The following RGPD4 variants were observed in gnomAD, a reference collection of about 807,000 sequenced individuals.
The protein encoded by RGPD4 is ranBP2-like and GRIP domain-containing protein 4.
RGPD4 carries 84 observed loss-of-function variants against 141.1 expected under a neutral mutation model. That is an observed-to-expected ratio of 0.60 (90% CI 0.50 to 0.71). The LOEUF (loss-of-function observed/expected upper bound fraction) is 0.71, where lower values mean the gene tolerates loss of function less well. Ranked by LOEUF, RGPD4 falls within the 30% of genes least tolerant of loss-of-function variation. RGPD4 has a pLI of 0.00. For missense variants in RGPD4, 918 were observed against 1,622.4 expected, an observed-to-expected ratio of 0.57 and a Z score of 7.46; for synonymous variants, 298 against 566.8, an observed-to-expected ratio of 0.53 and a Z score of 6.74.
chr2:107,852,250 C>CAAAA (rs374226591), intron 7 of RGPD4, among the ~76,000 whole-genome samples: 6 of 114,906 alleles, frequency 5.2e-5, no homozygotes, highest in South Asian at 6.3e-4. Flanking sequence ...GACTCCATCT[C>CAAAA]AAAAAAAAAA....
At chr2:107,877,125 G>A (rs1192578909) in intron 20 of RGPD4, among the ~76,000 whole-genome samples, 2 of 151,742 alleles carry the variant, frequency 1.3e-5, no homozygotes, top group Admixed American at 6.6e-5. Flanking sequence ...TGCAATCTCA[G>A]CACTTTGGGA....
chr2:107,871,092 A>T lies in RGPD4; in HGVS notation c.3088A>T (p.Thr1030Ser). ...TGAGAAAGATGATGATGCCTATAAG[A>T]CTGAGGACAGCGATGACATCCATTT... ...DFEKDDDAYK[T>S]EDSDDIHFEP... Residue 1030 changes from threonine to serine, a missense_variant, in exon 20 of 23, where the codon ACT becomes TCT. Transcript: ENST00000408999. The T allele has an allele frequency of 6.2e-7, 1 of 1,611,216 alleles. No homozygotes were observed. The highest frequency in any genetic ancestry group is 2.2e-5 in the East Asian group (1 of 44,860).
At chr2:107,833,323 A>G (rs1284711166) in intron 1 of RGPD4, among the ~76,000 whole-genome samples, 1 of 152,224 alleles carries the variant, frequency 6.6e-6, no homozygotes, top group Non-Finnish European at 1.5e-5. Context: ...TTACATCTCT[A>G]TCTTACTGTG....
intron 6 of RGPD4, among the ~76,000 whole-genome samples, chr2:107,847,925 T>C (rs1682012049): frequency 1.5e-5 from 2 of 131,618 alleles, no homozygotes; most frequent in Non-Finnish European, 3.2e-5. Context: ...CTGTCAATTA[T>C]TTACTTATAA....
chr2:107,888,468 G>T (rs1378769324), intron 22 of RGPD4, among the ~76,000 whole-genome samples: 1 of 151,004 alleles, frequency 6.6e-6, no homozygotes, highest in East Asian at 1.9e-4. Flanking sequence ...CCAGTGCCAA[G>T]TTGTCCATCC....
intron 20 of RGPD4, among the ~76,000 whole-genome samples, chr2:107,874,490 A>G (rs1332879757): frequency 1.7e-5 from 1 of 57,928 alleles, no homozygotes; most frequent in East Asian, 2.3e-4. Flanking sequence ...TGATAAAGTA[A>G]CAATCTCTGA....
At chr2:107,836,554 G>A (rs752449913) in intron 1 of RGPD4, 48 bp from the exon 2 acceptor site, 39 of 1,459,652 alleles carry the variant, frequency 2.7e-5, no homozygotes, top group Non-Finnish European at 3.3e-5. Context: ...AAAAAATGTT[G>A]GAAAATATTT....
intron 22 of RGPD4, among the ~76,000 whole-genome samples, chr2:107,888,296 G>C (rs1452768340): frequency 3.3e-4 from 44 of 131,956 alleles, no homozygotes; most frequent in Non-Finnish European, 6.1e-4. Flanking sequence ...TGCCAGATCT[G>C]AGAACACAGC....
chr2:107,858,428 CT>C (rs1682410400), intron 9 of RGPD4, among the ~76,000 whole-genome samples: 4 of 151,556 alleles, frequency 2.6e-5, no homozygotes, highest in Admixed American at 6.6e-5. Context: ...CTTTTCTTTT[CT>C]TTTCTTTTCT....
chr2:107,849,526 C>A (rs1682063210), intron 7 of RGPD4, among the ~76,000 whole-genome samples: 1 of 8,656 alleles, frequency 1.2e-4, no homozygotes, highest in Non-Finnish European at 3.1e-4. Flanking sequence ...GCCACCACAC[C>A]TGGCTAATTT....
intron 6 of RGPD4, among the ~76,000 whole-genome samples, chr2:107,844,628 G>A (rs1481459449): frequency 7.3e-6 from 1 of 136,718 alleles, no homozygotes; most frequent in African/African-American, 2.8e-5. Context: ...AAAGTACATA[G>A]TGTCCTAAAT....
intron 9 of RGPD4, among the ~76,000 whole-genome samples, chr2:107,857,207 G>T (rs568860054): frequency 1.3e-5 from 2 of 150,526 alleles, no homozygotes; most frequent in Admixed American, 6.6e-5. Context: ...GTGCGATCTC[G>T]GCTCACTGTA....
chr2:107,857,967 C>T (rs539458362), intron 9 of RGPD4, among the ~76,000 whole-genome samples: 30 of 152,090 alleles, frequency 2.0e-4, no homozygotes, highest in Admixed American at 1.0e-3. Context: ...ACAGCCTGGG[C>T]GACAGAGCGA....
At chr2:107,890,591 CA>C (rs1484296702) in intron 22 of RGPD4, 129 bp from the exon 23 acceptor site, 2 of 64,808 alleles carry the variant, frequency 3.1e-5, no homozygotes, top group East Asian at 3.5e-4. Context: ...CCCCCCCCAA[CA>C]AAAAAGGCAT....
At chr2:107,874,883 G>A (rs1189970713) in intron 20 of RGPD4, among the ~76,000 whole-genome samples, 1 of 151,106 alleles carries the variant, frequency 6.6e-6, no homozygotes, top group Non-Finnish European at 1.5e-5. Context: ...CTCCTAGCTA[G>A]GAAATGATAC....
chr2:107,846,583 C>T (rs1368758938), intron 6 of RGPD4, among the ~76,000 whole-genome samples: 10 of 149,972 alleles, frequency 6.7e-5, no homozygotes, highest in African/African-American at 2.0e-4. Context: ...TCTCCTGCCT[C>T]AGCCTCCCAA....
At position 107,871,662 on chromosome 2, in the gene RGPD4, G is replaced by A. The variant is rs1382753960; in HGVS notation, c.3658G>A (p.Glu1220Lys). 5 of 1,607,968 alleles carry A rather than the reference G, an allele frequency of 3.1e-6. No individual in the cohort carries two copies. The highest frequency in any genetic ancestry group is 4.5e-5 in the East Asian group (2 of 44,870). ...TNDQTKVTEE[E>K]NKGSGTGAAG... Reference sequence around the variant, plus strand: ...TGATCAAACAAAAGTCACTGAGGAAGAAAATAAGGGTTCAGGTACAGGTGC... The same window carrying A: ...TGATCAAACAAAAGTCACTGAGGAAAAAAATAAGGGTTCAGGTACAGGTGC... The change falls in exon 20 of 23, where the codon GAA (glutamate) becomes AAA (lysine). Residue 1220 changes from glutamate to lysine, a missense_variant. Transcript: ENST00000408999.
At position 107,857,861 on chromosome 2, in the gene RGPD4, A is replaced by G. The variant is rs909009766; in HGVS notation, c.1276+892A>G. On this transcript the variant is annotated intron_variant, in intron 9 of 22. Transcript: ENST00000408999. ...ACAAAAATTATCCGGGGGTGGTGGC[A>G]TGTGCCTGTAGTCCCTACTCAGGAG... 1.2e-4 allele frequency among the ~76,000 whole-genome samples: 18 copies of G among 151,856 alleles called. No individual in the cohort carries two copies. The East Asian group carries it at 3.1e-3, about 26-fold the overall frequency.
At chr2:107,829,745 C>T (rs1346434695) in intron 1 of RGPD4, among the ~76,000 whole-genome samples, 2 of 152,050 alleles carry the variant, frequency 1.3e-5, no homozygotes, top group Non-Finnish European at 2.9e-5. Context: ...CCGGCTTGTT[C>T]CCGACGCTTG....
Sources: allele counts gnomAD v4.1 joint callset (sites outside exome capture counted in the v4.1 genomes callset), GRCh38; gene constraint gnomAD v4.1.1; transcripts MANE v1.5; gene names NCBI Gene and HGNC (gene_info 2026-07-23, HGNC 2026-07-21).